IKBKE: variants seen among roughly 807,000 people sequenced by gnomAD.
The protein encoded by IKBKE is inhibitor of nuclear factor kappa B kinase subunit epsilon.
A neutral mutation model predicts 92.1 loss-of-function variants in IKBKE; 45 were observed. The ratio of observed to expected loss-of-function variants is 0.49; its 90% CI spans 0.38 to 0.63. IKBKE has a LOEUF of 0.63. IKBKE is among the 20% of genes least tolerant of loss of function. The pLI is 0.00. For synonymous variants in IKBKE, 374 were observed against 380.3 expected (o/e 0.98, Z 0.19); for missense variants, 700 against 932.8 (o/e 0.75, Z 3.25).
chr1:206,474,444 T>A lies in IKBKE; in HGVS notation c.201T>A (p.Ile67=), dbSNP rs1539243. 1.9e-6 allele frequency: 3 copies of A among 1,613,762 alleles called. No homozygotes were observed. The highest frequency in any genetic ancestry group is 2.5e-6 in the Non-Finnish European group (3 of 1,179,854). Residue 67 remains isoleucine (I), a synonymous_variant, in exon 4 of 22, where the codon ATT becomes ATA. Coordinates refer to ENST00000581977, the MANE Select transcript of IKBKE (RefSeq NM_014002.4). ...EVLRKLNHQN[I]VKLFAVEETG... ...TGCGGAAGCTGAACCACCAGAACAT[T>A]GTCAAGCTCTTTGCGGTGGAGGAGA...
Position 206,490,777 on chromosome 1 carries a change from A to G in IKBKE, c.1694-42A>G. ...ACCTTTGCTGCACACTGTTTCGTTG[A>G]CTGATTGAATAGGTGACATCTGTTC... On this transcript the variant is annotated intron_variant, in intron 16 of 21. Coordinates refer to ENST00000581977, the MANE Select transcript of IKBKE (RefSeq NM_014002.4). The surrounding 1 kb of genome is among the most constrained non-coding windows in gnomAD (Gnocchi z 5.2). 6.2e-7 allele frequency: 1 copy of G among 1,603,402 alleles called. No individual in the cohort carries two copies. Among genetic ancestry groups the G allele is most frequent in the African/African-American group, 1.3e-5 (1 of 74,830 alleles).
At position 206,490,315 on chromosome 1, in the gene IKBKE, G is replaced by C. The variant is rs1440509147; in HGVS notation, c.1694-504G>C. ...TTAGGGCCCTTCAGGAGGCAGCCAAGGCCATGAAAGCTTCAGCCTTTCTGG... is the reference window on the plus strand; with the variant it reads ...TTAGGGCCCTTCAGGAGGCAGCCAACGCCATGAAAGCTTCAGCCTTTCTGG... On this transcript the variant is annotated intron_variant, in intron 16 of 21. Transcript: ENST00000581977. This position sits in a 1 kb window ranked among gnomAD's most constrained non-coding sequence, Gnocchi z 5.2. Among the ~76,000 whole-genome samples the C allele has an allele frequency of 1.3e-5, 2 of 152,244 alleles. No homozygotes were observed. The highest frequency in any genetic ancestry group is 2.9e-5 in the Non-Finnish European group (2 of 68,050).
chr1:206,493,801 A>G (rs960557308), intron 20 of IKBKE, 119 bp from the exon 21 acceptor site: 10 of 725,072 alleles, frequency 1.4e-5, no homozygotes, highest in Admixed American at 2.8e-5. Flanking sequence ...ATAAGCAAAC[A>G]AAAAAGAATA....
intron 7 of IKBKE, among the ~76,000 whole-genome samples, chr1:206,477,252 G>A (rs1325436888): frequency 5.9e-5 from 9 of 152,214 alleles, no homozygotes; most frequent in African/African-American, 1.9e-4. Flanking sequence ...AGACAGTAGC[G>A]GCTCCCTCTG....
At chr1:206,482,025 T>C (rs1253403522) in intron 13 of IKBKE, among the ~76,000 whole-genome samples, 4 of 152,200 alleles carry the variant, frequency 2.6e-5, no homozygotes, top group South Asian at 2.1e-4. Flanking sequence ...GTGATCTGCC[T>C]GCCTCAGCCT....
In IKBKE at chr1:206,476,456, T is replaced by A; in HGVS notation, c.540+94T>A. On this transcript the variant is annotated intron_variant, in intron 6 of 21. Coordinates refer to ENST00000581977, the MANE Select transcript of IKBKE (RefSeq NM_014002.4). This position sits in a 1 kb window ranked among gnomAD's most constrained non-coding sequence, Gnocchi z 5.1. ...CCCCCATGAGGGGGTGTGGCCCACC[T>A]CCTGCTTCCACAGGAGTTATGTCTC... The A allele has an allele frequency of 7.5e-7, 1 of 1,325,086 alleles. No individual in the cohort carries two copies. The highest frequency in any genetic ancestry group is 1.1e-6 in the Non-Finnish European group (1 of 946,480). 82.1% of individuals were successfully genotyped at this position (1,325,086 alleles called of 1,614,324 possible).
rs1664757266 is a variant in IKBKE at position 206,471,231 on chromosome 1, A to C, written c.-47A>C. On this transcript the variant is annotated 5_prime_UTR_variant, in exon 2 of 22. Coordinates refer to ENST00000581977, the MANE Select transcript of IKBKE (RefSeq NM_014002.4). ...GAAGAGCCTTTGCCTGACTCAGGGCAGCTCAGAGTGTGGGGTAAGTGCACT... is the reference window on the plus strand; with the variant it reads ...GAAGAGCCTTTGCCTGACTCAGGGCCGCTCAGAGTGTGGGGTAAGTGCACT... 1 of 151,906 alleles carries C rather than the reference A, an allele frequency of 6.6e-6. No individual in the cohort carries two copies. The highest frequency in any genetic ancestry group is 1.5e-5 in the Non-Finnish European group (1 of 68,026). The allele number at this position is 151,906 out of a possible 1,614,324, so 9.4% of individuals were successfully genotyped here. A position where few individuals can be genotyped will look rare whatever the true frequency, so the allele number is the denominator to read the frequency against.
Position 206,476,486 on chromosome 1 carries a change from C to T in IKBKE, c.540+124C>T. 2 of 1,167,056 alleles carry T rather than the reference C, an allele frequency of 1.7e-6. No individual in the cohort carries two copies. The highest frequency in any genetic ancestry group is 2.4e-5 in the East Asian group (1 of 41,486). The allele number at this position is 1,167,056 out of a possible 1,614,324, so 72.3% of individuals were successfully genotyped here. A position where few individuals can be genotyped will look rare whatever the true frequency, so the allele number is the denominator to read the frequency against. On this transcript the variant is annotated intron_variant, in intron 6 of 21. Coordinates refer to ENST00000581977, the MANE Select transcript of IKBKE (RefSeq NM_014002.4). This position sits in a 1 kb window ranked among gnomAD's most constrained non-coding sequence, Gnocchi z 5.1. ...CTTCCACAGGAGTTATGTCTCTCCC[C>T]TGTACCCCAACCAGAAGAATGCATT...
intron 13 of IKBKE, among the ~76,000 whole-genome samples, chr1:206,484,465 T>C (rs12142086): frequency 0.24 from 37,058 of 152,120 alleles, 5,193 homozygotes; most frequent in East Asian, 0.63. Flanking sequence ...GGTGTGACCT[T>C]GTCACCGTGC....
In IKBKE at chr1:206,476,254, C is replaced by T. The variant is rs56358140; in HGVS notation, c.432C>T (p.Leu144=). The change falls in exon 6 of 22, where the codon CTC becomes CTT. Residue 144 remains leucine, a synonymous_variant. Coordinates refer to ENST00000581977, the MANE Select transcript of IKBKE (RefSeq NM_014002.4). This position sits in a 1 kb window ranked among gnomAD's most constrained non-coding sequence, Gnocchi z 5.1. ...RDIKPGNIMR[L]VGEEGQSIYK... ...TCAAGCCGGGGAACATCATGCGCCT[C>T]GTAGGGGAGGAGGGGCAGAGCATCT... 6.2e-4 allele frequency: 1,005 copies of T among 1,614,140 alleles called. 4 individuals are homozygous for T. Among genetic ancestry groups the T allele is most frequent in the South Asian group, 1.4e-3 (131 of 91,088 alleles).
At chr1:206,488,060 A>C in intron 16 of IKBKE, 70 bp downstream of exon 16, 1 of 1,220,916 alleles carries the variant, frequency 8.2e-7, no homozygotes, top group Non-Finnish European at 1.2e-6. Flanking sequence ...CTTCCTTTTC[A>C]CTGGTGCTAC....
At chr1:206,491,335 T>C (rs1469608585) in intron 17 of IKBKE, 1 of 383,134 alleles carries the variant, frequency 2.6e-6, no homozygotes, top group East Asian at 5.9e-5. Flanking sequence ...CTCACACACC[T>C]TCTTTCCACG....
intron 17 of IKBKE, 114 bp from the exon 18 acceptor site, chr1:206,491,534 G>T: frequency 1.4e-6 from 1 of 720,126 alleles, no homozygotes; most frequent in Non-Finnish European, 2.5e-6. Context: ...GTGGACGCAG[G>T]GCTTGGGCAC....
intron 16 of IKBKE, among the ~76,000 whole-genome samples, chr1:206,489,152 A>C (rs1295447339): frequency 6.6e-6 from 1 of 151,040 alleles, no homozygotes; most frequent in African/African-American, 2.4e-5. Context: ...CCATCCTCCC[A>C]TCTCAGGCTC....
At position 206,485,141 on chromosome 1, in the gene IKBKE, C is replaced by A; in HGVS notation, c.1504-53C>A. The A allele has an allele frequency of 6.3e-7, 1 of 1,576,830 alleles. No homozygotes were observed. The highest frequency in any genetic ancestry group is 2.2e-5 in the East Asian group (1 of 44,722). On this transcript the variant is annotated intron_variant, in intron 14 of 21. Transcript: ENST00000581977. The surrounding 1 kb of genome is among the most constrained non-coding windows in gnomAD (Gnocchi z 5.0). ...GGGGCCCGTGTTCCAGCCAGCCTGCCCACCAGTGCCCAGGCTGAAGACCCC... is the reference window on the plus strand; with the variant it reads ...GGGGCCCGTGTTCCAGCCAGCCTGCACACCAGTGCCCAGGCTGAAGACCCC...
At position 206,476,896 on chromosome 1, in the gene IKBKE, C is replaced by T; in HGVS notation, c.701+58C>T. On this transcript the variant is annotated intron_variant, in intron 7 of 21. Coordinates refer to ENST00000581977, the MANE Select transcript of IKBKE (RefSeq NM_014002.4). The surrounding 1 kb of genome is among the most constrained non-coding windows in gnomAD (Gnocchi z 5.1). ...GACTGGCAGTCCCCTGGCCCTTCCC[C>T]CACCGGTCCTTGCTGTGTCTTCTGG... 1.9e-6 allele frequency: 3 copies of T among 1,587,832 alleles called. No homozygotes were observed. In the South Asian group the frequency reaches 3.3e-5, roughly 18 times the overall value.
At chr1:206,473,171 G>A in intron 2 of IKBKE, 25 bp from the exon 3 acceptor site, 1 of 1,409,126 alleles carries the variant, frequency 7.1e-7, no homozygotes. Flanking sequence ...TGGAATCCTG[G>A]GCCCCCAGCA....
Position 206,479,893 on chromosome 1 carries a change from G to A in IKBKE, c.1207G>A (p.Val403Ile), listed in dbSNP as rs143491598. ...RDPALDVPKFVPKVDLQADYN... is the reference protein window; with the variant it reads ...RDPALDVPKFIPKVDLQADYN... ...AGCTGCTCTGGACGTCCCCAAGTTC[G>A]TCCCCAAAGTGGACCTGCAGGCGGA... Residue 403 changes from valine (V) to isoleucine (I), a missense_variant, in exon 11 of 22, where the codon GTC (valine) becomes ATC (isoleucine). Val to Ile is a conservative substitution (Grantham distance 29). Transcript: ENST00000581977. 8.2e-5 allele frequency: 132 copies of A among 1,613,738 alleles called. No individual in the cohort carries two copies. Among genetic ancestry groups the A allele is most frequent in the Middle Eastern group, 1.6e-4 (1 of 6,080 alleles).
At position 206,474,854 on chromosome 1, in the gene IKBKE, C is replaced by G. The variant is rs1664973049; in HGVS notation, c.229-11C>G. 1 of 1,613,302 alleles carries G rather than the reference C, an allele frequency of 6.2e-7. No individual in the cohort carries two copies. The highest frequency in any genetic ancestry group is 1.7e-5 in the Admixed American group (1 of 59,976). On this transcript the variant is annotated splice_polypyrimidine_tract_variant and intron_variant, in intron 4 of 21. Coordinates refer to ENST00000581977, the MANE Select transcript of IKBKE (RefSeq NM_014002.4). Reference sequence around the variant, plus strand: ...GCCGTCCTCATGAGCCCCTCTCTGTCCCACCCATAGGGCGGAAGCCGGCAG... The same window carrying G: ...GCCGTCCTCATGAGCCCCTCTCTGTGCCACCCATAGGGCGGAAGCCGGCAG...
Sources: allele counts gnomAD v4.1 joint callset (sites outside exome capture counted in the v4.1 genomes callset), GRCh38; gene constraint gnomAD v4.1.1; non-coding constraint Gnocchi (gnomAD v3.1); transcripts MANE v1.5; gene names NCBI Gene and HGNC (gene_info 2026-07-23, HGNC 2026-07-21).